Variants in LRP1B observed in about 807,000 individuals in gnomAD.
LRP1B encodes low-density lipoprotein receptor-related protein 1B.
LRP1B carries 217 observed loss-of-function variants against 556.6 expected under a neutral mutation model. The observed-to-expected ratio is 0.39, with a 90% CI of 0.35 to 0.44. LRP1B has a LOEUF of 0.44. Ranked by LOEUF, LRP1B falls within the 20% of genes least tolerant of loss-of-function variation. The probability of loss-of-function intolerance (pLI) is 1.00; values close to 1 mark genes in which losing one functional copy is unlikely to be tolerated. For missense variants in LRP1B, 5,053 were observed against 5,620.8 expected (o/e 0.90, Z 3.23); for synonymous variants, 2,047 against 1,865.8 (o/e 1.10, Z -2.50).
intron 42 of LRP1B, among the ~76,000 whole-genome samples, chr2:140,600,305 A>G (rs1298546693): frequency 6.6e-6 from 1 of 152,104 alleles, no homozygotes; most frequent in Non-Finnish European, 1.5e-5. Context: ...AGCAAACCGT[A>G]TTCTCATAGG....
intron 41 of LRP1B, among the ~76,000 whole-genome samples, chr2:140,655,358 A>G (rs937678458): frequency 6.6e-6 from 1 of 152,090 alleles, no homozygotes; most frequent in Admixed American, 6.5e-5. Flanking sequence ...TGCTCTAATA[A>G]TTTTCTAGGT....
chr2:140,758,922 G>A (rs1382019790), intron 35 of LRP1B, among the ~76,000 whole-genome samples: 2 of 152,004 alleles, frequency 1.3e-5, no homozygotes, highest in South Asian at 2.1e-4. Flanking sequence ...CTCTTATTCA[G>A]TATTTAGATA....
At chr2:141,430,998 A>G (rs1304601455) in intron 3 of LRP1B, among the ~76,000 whole-genome samples, 1 of 151,900 alleles carries the variant, frequency 6.6e-6, no homozygotes, top group Non-Finnish European at 1.5e-5. Flanking sequence ...TTAGCCAGGC[A>G]TGGTGCCGTG....
chr2:140,675,099 T>G (rs1685625808), intron 41 of LRP1B, among the ~76,000 whole-genome samples: 2 of 152,216 alleles, frequency 1.3e-5, no homozygotes, highest in Non-Finnish European at 2.9e-5. Context: ...CTCACTGCCT[T>G]TTGACTCATG....
intron 84 of LRP1B, among the ~76,000 whole-genome samples, chr2:140,285,006 A>ACC (rs1553439365): frequency 6.9e-6 from 1 of 144,852 alleles, no homozygotes; most frequent in Non-Finnish European, 1.5e-5. Flanking sequence ...ATACCTAGAT[A>ACC]TCTCTCTGTG....
chr2:140,361,661 G>A (rs1012137440), intron 72 of LRP1B, among the ~76,000 whole-genome samples: 6 of 151,072 alleles, frequency 4.0e-5, no homozygotes, highest in African/African-American at 1.5e-4. Flanking sequence ...TCACTTACCT[G>A]AGTCTCTTCT....
intron 49 of LRP1B, among the ~76,000 whole-genome samples, chr2:140,517,634 A>G (rs1371636247): frequency 6.6e-6 from 1 of 151,306 alleles, no homozygotes; most frequent in East Asian, 1.9e-4. Flanking sequence ...TAAATTATAT[A>G]TATTTTTTAA....
chr2:140,762,139 T>G (rs1288427471), intron 35 of LRP1B, among the ~76,000 whole-genome samples: 2 of 152,070 alleles, frequency 1.3e-5, no homozygotes, highest in Non-Finnish European at 2.9e-5. Flanking sequence ...TGGCCTGTCT[T>G]TCCCAATCAT....
intron 43 of LRP1B, among the ~76,000 whole-genome samples, chr2:140,549,905 C>T (rs188063138): frequency 3.4e-4 from 52 of 151,654 alleles, no homozygotes; most frequent in East Asian, 1.2e-3. Context: ...ATGTGCAGAA[C>T]GTGCAGTTTT....
chr2:140,749,355 T>C (rs1315350562), intron 35 of LRP1B, among the ~76,000 whole-genome samples: 1 of 145,572 alleles, frequency 6.9e-6, no homozygotes, highest in Non-Finnish European at 1.5e-5. Context: ...TGTAACTTTT[T>C]TCCTTTCTAA....
chr2:141,553,991 T>C (rs1335907231), intron 2 of LRP1B, among the ~76,000 whole-genome samples: 4 of 140,022 alleles, frequency 2.9e-5, no homozygotes, highest in Non-Finnish European at 4.5e-5. Flanking sequence ...GACATAGATA[T>C]AGATTATATA....
At chr2:140,721,709 G>A (rs1182596245) in intron 35 of LRP1B, among the ~76,000 whole-genome samples, 9 of 94,190 alleles carry the variant, frequency 9.6e-5, no homozygotes, top group Admixed American at 4.1e-4. Context: ...CAGCACACCC[G>A]GCTATTTTTT....
chr2:141,444,432 T>G (rs1437874294), intron 3 of LRP1B, among the ~76,000 whole-genome samples: 1 of 152,212 alleles, frequency 6.6e-6, no homozygotes, highest in African/African-American at 2.4e-5. Context: ...TTCACTTGCC[T>G]GATTGTCTTG....
intron 17 of LRP1B, among the ~76,000 whole-genome samples, chr2:140,984,110 T>G (rs1174121024): frequency 4.0e-5 from 6 of 151,850 alleles, no homozygotes; most frequent in Non-Finnish European, 8.8e-5. Flanking sequence ...CAAAATCTAA[T>G]GTCATTAGTT....
intron 6 of LRP1B, among the ~76,000 whole-genome samples, chr2:141,205,433 TC>T (rs1335699181): frequency 6.6e-6 from 1 of 152,204 alleles, no homozygotes; most frequent in African/African-American, 2.4e-5. Context: ...GCTCAGGCTC[TC>T]CACATGGAAT....
At chr2:140,735,259 T>C (rs1225249054) in intron 35 of LRP1B, among the ~76,000 whole-genome samples, 1 of 152,106 alleles carries the variant, frequency 6.6e-6, no homozygotes, top group African/African-American at 2.4e-5. Flanking sequence ...AGTCATGCCT[T>C]TGAAAAAGAA....
intron 1 of LRP1B, among the ~76,000 whole-genome samples, chr2:141,816,491 C>T (rs1170572799): frequency 6.6e-6 from 1 of 152,108 alleles, no homozygotes; most frequent in Non-Finnish European, 1.5e-5. Context: ...GGACTTACAC[C>T]AGTGATTTGC....
intron 22 of LRP1B, among the ~76,000 whole-genome samples, chr2:140,906,137 G>A (rs1374799252): frequency 2.0e-5 from 3 of 152,136 alleles, no homozygotes; most frequent in African/African-American, 7.2e-5. Context: ...AGTTCAATAT[G>A]CCACAATGCT....
chr2:140,846,613 A>G (rs1354801327), intron 29 of LRP1B, among the ~76,000 whole-genome samples: 1 of 152,094 alleles, frequency 6.6e-6, no homozygotes, highest in Non-Finnish European at 1.5e-5. Flanking sequence ...ATGGGAGATG[A>G]TAGGCACAGT....
Sources: allele counts gnomAD v4.1 joint callset (sites outside exome capture counted in the v4.1 genomes callset), GRCh38; gene constraint gnomAD v4.1.1; transcripts MANE v1.5; gene names NCBI Gene and HGNC (gene_info 2026-07-23, HGNC 2026-07-21).